Variants in TEKT4 observed in about 807,000 individuals in gnomAD.
TEKT4 encodes tektin-4.
In TEKT4, 46 loss-of-function variants were observed where a neutral mutation model predicts 46.0. The observed-to-expected ratio is 1.00, with a 90% CI of 0.79 to 1.28. The LOEUF is 1.28. Ranked by LOEUF, TEKT4 falls within the 50% of genes most tolerant of loss-of-function variation. The pLI is 0.00. For synonymous variants in TEKT4, 325 were observed against 265.8 expected (o/e 1.22, Z -2.17); for missense variants, 790 against 622.9 (o/e 1.27, Z -2.85).
intron 2 of TEKT4, 112 bp downstream of exon 2, chr2:94,873,702 G>A (rs1553395420): frequency 3.4e-6 from 5 of 1,450,728 alleles, no homozygotes; most frequent in Admixed American, 2.0e-5. Context: ...GGCTGCCCCA[G>A]GTCACAGTGG....
chr2:94,872,121 G>C, intron 1 of TEKT4, 44 bp downstream of exon 1: 1 of 1,475,300 alleles, frequency 6.8e-7, no homozygotes, highest in Non-Finnish European at 9.0e-7. Context: ...GCGCAGAGAG[G>C]AGGAGCCCCC....
At position 94,875,850 on chromosome 2, in the gene TEKT4, C is replaced by T. The variant is rs548103378; in HGVS notation, c.1091+108C>T. On this transcript the variant is annotated intron_variant, in intron 5 of 5. Coordinates refer to ENST00000295201, the MANE Select transcript of TEKT4 (RefSeq NM_144705.4). ...CCCGCACACACATCCCCCGCAGGTG[C>T]TGAGAGGGGAGGGAGACTTTGGGGC... The T allele has an allele frequency of 2.3e-5, 28 of 1,200,256 alleles. No individual in the cohort carries two copies. In the East Asian group the frequency reaches 7.1e-4, roughly 31 times the overall value. 74.4% of individuals were successfully genotyped at this position (1,200,256 alleles called of 1,614,324 possible).
At chr2:94,872,329 C>A in intron 1 of TEKT4, 4 of 579,926 alleles carry the variant, frequency 6.9e-6, no homozygotes, top group Non-Finnish European at 9.1e-6. Context: ...CACAGTCATC[C>A]TGACCCTGGG....
chr2:94,875,136 G>T (rs1385732945), intron 4 of TEKT4, 138 bp downstream of exon 4: 19 of 930,570 alleles, frequency 2.0e-5, no homozygotes, highest in Non-Finnish European at 2.9e-5. Flanking sequence ...GTAAAACCAG[G>T]TGACACTGGG....
At chr2:94,873,357 C>G (rs1573182926) in intron 1 of TEKT4, 163 bp from the exon 2 acceptor site, 11 of 1,466,220 alleles carry the variant, frequency 7.5e-6, no homozygotes, top group Non-Finnish European at 9.9e-6. Context: ...CCCAAAAGCC[C>G]AAGATAAACC....
chr2:94,874,020 G>A lies in TEKT4; in HGVS notation c.625G>A (p.Ala209Thr), dbSNP rs781986882. Residue 209 changes from alanine (A) to threonine (T), a missense_variant, in exon 3 of 6, where the codon GCC becomes ACC. Transcript: ENST00000295201. ...CEMDWSDKME[A>T]YNIDETCGRH... ...GATGGACTGGTCAGACAAGATGGAG[G>A]CCTACAACATCGACGAGACCTGCGG... The A allele has an allele frequency of 1.8e-5, 29 of 1,613,790 alleles. No individual in the cohort carries two copies. The highest frequency in any genetic ancestry group is 2.4e-5 in the Non-Finnish European group (28 of 1,180,004).
At position 94,875,524 on chromosome 2, in the gene TEKT4, G is replaced by A; in HGVS notation, c.937-64G>A. The A allele has an allele frequency of 1.9e-6, 3 of 1,600,622 alleles. No homozygotes were observed. In the South Asian group the frequency reaches 3.4e-5, roughly 18 times the overall value. ...CCAAGACCTGGGTAGGACCAGCCTG[G>A]TCTCGGCGTTCTATATACCCGGGCA... On this transcript the variant is annotated intron_variant, in intron 4 of 5. Coordinates refer to ENST00000295201, the MANE Select transcript of TEKT4 (RefSeq NM_144705.4).
rs782508494 is a variant in TEKT4, at chr2:94,871,892, C to A, written c.313C>A (p.Leu105Met). ...GGACACGCACAGCTGGAAGTCGGAGCTGCAGCGTGAGATGGAGGCGCTGGC... is the reference window on the plus strand; with the variant it reads ...GGACACGCACAGCTGGAAGTCGGAGATGCAGCGTGAGATGGAGGCGCTGGC... ...LQDTHSWKSE[L>M]QREMEALAAE... is the part of the protein sequence containing the mutation. The change falls in exon 1 of 6, where the codon CTG becomes ATG. Residue 105 changes from leucine to methionine, a missense_variant. Coordinates refer to ENST00000295201, the MANE Select transcript of TEKT4 (RefSeq NM_144705.4). 2.5e-6 allele frequency: 4 copies of A among 1,597,608 alleles called. No individual in the cohort carries two copies. Among genetic ancestry groups the A allele is most frequent in the Non-Finnish European group, 3.4e-6 (4 of 1,175,854 alleles).
chr2:94,873,026 T>A, intron 1 of TEKT4: 1 of 1,289,352 alleles, frequency 7.8e-7, no homozygotes, highest in South Asian at 1.2e-5. Context: ...GAGAAAAGGC[T>A]TGTTCCTACA....
chr2:94,875,244 G>C (rs1307159052), intron 4 of TEKT4, among the ~76,000 whole-genome samples: 5 of 152,180 alleles, frequency 3.3e-5, no homozygotes, highest in African/African-American at 1.2e-4. Flanking sequence ...CCGCCCGGGA[G>C]GTCCCCAAGA....
At chr2:94,872,683 C>T (rs1573181368) in intron 1 of TEKT4, 4 of 557,586 alleles carry the variant, frequency 7.2e-6, no homozygotes, top group Admixed American at 3.1e-5. Context: ...AGAACCACTA[C>T]AGGCCTGTAG....
chr2:94,873,035 C>T (rs1553395157), intron 1 of TEKT4: 2 of 1,286,508 alleles, frequency 1.6e-6, no homozygotes, highest in South Asian at 2.5e-5. Context: ...CTTGTTCCTA[C>T]ACACAGCAAA....
At chr2:94,872,135 C>CT in intron 1 of TEKT4, 58 bp downstream of exon 1, 5 of 1,476,194 alleles carry the variant, frequency 3.4e-6, no homozygotes, top group East Asian at 2.5e-5. Context: ...AGCCCCCCCC[C>CT]CCGCAGTTCA....
chr2:94,875,933 G>T (rs1203572085), intron 5 of TEKT4, among the ~76,000 whole-genome samples, 191 bp downstream of exon 5: 1 of 152,210 alleles, frequency 6.6e-6, no homozygotes, highest in Non-Finnish European at 1.5e-5. Flanking sequence ...CACTGGGCAG[G>T]TCATGGGTCG....
At position 94,872,055 on chromosome 2, in the gene TEKT4, A is replaced by G. The variant is rs1553394790; in HGVS notation, c.476A>G (p.His159Arg). 3 of 1,549,164 alleles carry G rather than the reference A, an allele frequency of 1.9e-6. No individual in the cohort carries two copies. In the Admixed American group the frequency reaches 5.8e-5, roughly 30 times the overall value. Reference protein sequence around the residue: ...RREHPNLVRDHVETELLKEAE... With the variant: ...RREHPNLVRDRVETELLKEAE... ...GAGCACCCCAACCTCGTGCGCGACC[A>G]TGTGGAAACGGAGCTGCTGAAGGTG... The change falls in exon 1 of 6, where the codon CAT becomes CGT. Residue 159 changes from histidine (H) to arginine (R), a missense_variant. Physicochemically the swap from His to Arg is conservative, Grantham distance 29. Coordinates refer to ENST00000295201, the MANE Select transcript of TEKT4 (RefSeq NM_144705.4).
rs1312343968 is a variant in TEKT4, at chr2:94,871,527, C to T, written c.-53C>T. 7 of 1,508,264 alleles carry T rather than the reference C, an allele frequency of 4.6e-6. No individual in the cohort carries two copies. Among genetic ancestry groups the T allele is most frequent in the African/African-American group, 4.1e-5 (3 of 72,408 alleles). 93.4% of individuals were successfully genotyped at this position (1,508,264 alleles called of 1,614,324 possible). Reference sequence around the variant, plus strand: ...CTGACCGCACTAGGCTGACCGCAACCGGCTGACCACACACAGTCCTCACTC... The same window carrying T: ...CTGACCGCACTAGGCTGACCGCAACTGGCTGACCACACACAGTCCTCACTC... On this transcript the variant is annotated 5_prime_UTR_variant, in exon 1 of 6. Coordinates refer to ENST00000295201, the MANE Select transcript of TEKT4 (RefSeq NM_144705.4).
chr2:94,874,796 G>A lies in TEKT4; in HGVS notation c.734G>A (p.Arg245Gln), dbSNP rs375394878. 9.2e-5 allele frequency: 146 copies of A among 1,590,756 alleles called. 1 individual carries two copies. In the African/African-American group the frequency reaches 1.3e-3, roughly 14 times the overall value. ...CGCAGCGCCTCCACCCCGGAGACCC[G>A]GGCCAAGTTCACGCAGGACAATCTG... Reference protein sequence around the residue: ...FQESASTPETRAKFTQDNLCR... With the variant: ...FQESASTPETQAKFTQDNLCR... The change falls in exon 4 of 6, where the codon CGG (arginine) becomes CAG (glutamine). Residue 245 changes from arginine to glutamine, a missense_variant. Arg to Gln is a conservative substitution (Grantham distance 43). Coordinates refer to ENST00000295201, the MANE Select transcript of TEKT4 (RefSeq NM_144705.4).
rs782653928 is a variant in TEKT4, at chr2:94,874,829, C to T, written c.767C>T (p.Ala256Val). 11 of 1,605,022 alleles carry T rather than the reference C, an allele frequency of 6.9e-6. No homozygotes were observed. The highest frequency in any genetic ancestry group is 9.3e-6 in the Non-Finnish European group (11 of 1,177,044). ...TTCACGCAGGACAATCTGTGCCGTGCCCAGCGCGAGCGCCTGGCCTCGGCC... is the reference window on the plus strand; with the variant it reads ...TTCACGCAGGACAATCTGTGCCGTGTCCAGCGCGAGCGCCTGGCCTCGGCC... ...AKFTQDNLCR[A>V]QRERLASANL... The change falls in exon 4 of 6, where the codon GCC becomes GTC. Residue 256 changes from alanine (A) to valine (V), a missense_variant. Transcript: ENST00000295201.
In TEKT4 at chr2:94,872,014, G is replaced by C. The variant is rs201404849; in HGVS notation, c.435G>C (p.Gln145His). 132 of 1,586,850 alleles carry C rather than the reference G, an allele frequency of 8.3e-5. No homozygotes were observed. The highest frequency in any genetic ancestry group is 1.1e-4 in the Non-Finnish European group (132 of 1,167,638). Residue 145 changes from glutamine to histidine, a missense_variant, in exon 1 of 6, where the codon CAG becomes CAC. Coordinates refer to ENST00000295201, the MANE Select transcript of TEKT4 (RefSeq NM_144705.4). ...TCTCCATCACCACTGACAACCTGCA[G>C]TGCCGTGAGCGCCGCGAGCACCCCA... ...VPFSITTDNLQCRERREHPNL... is the reference protein window; with the variant it reads ...VPFSITTDNLHCRERREHPNL...
Sources: allele counts gnomAD v4.1 joint callset (sites outside exome capture counted in the v4.1 genomes callset), GRCh38; gene constraint gnomAD v4.1.1; transcripts MANE v1.5; gene names NCBI Gene and HGNC (gene_info 2026-07-23, HGNC 2026-07-21).